PCDH7: variants seen among roughly 807,000 people sequenced by gnomAD.
PCDH7 encodes protocadherin 7.
Under a neutral mutation model 58.9 loss-of-function variants are expected in PCDH7, and 17 were observed. The observed-to-expected ratio is 0.29, with a 90% CI of 0.20 to 0.43. The LOEUF (loss-of-function observed/expected upper bound fraction) is 0.43. Ranked by LOEUF, PCDH7 falls within the 20% of genes least tolerant of loss-of-function variation. The probability of loss-of-function intolerance (pLI) is 1.00; values close to 1 mark genes in which losing one functional copy is unlikely to be tolerated. For synonymous variants in PCDH7, 664 were observed against 616.4 expected (o/e 1.08, Z -1.14); for missense variants, 1,274 against 1,441.0 (o/e 0.88, Z 1.88).
At chr4:30,929,201 T>G (rs564429619) in intron 2 of PCDH7, among the ~76,000 whole-genome samples, 1 of 152,238 alleles carries the variant, frequency 6.6e-6, no homozygotes, top group South Asian at 2.1e-4. Flanking sequence ...TAGAGTAGAG[T>G]AGATTGGATT....
chr4:30,873,456 A>AT (rs1735877021), intron 1 of PCDH7, among the ~76,000 whole-genome samples: 1 of 94,968 alleles, frequency 1.1e-5, no homozygotes, highest in Non-Finnish European at 2.3e-5. Flanking sequence ...TTATGTTAAA[A>AT]TTTAATACAA....
intron 1 of PCDH7, among the ~76,000 whole-genome samples, chr4:30,744,001 G>C (rs1011026026): frequency 6.6e-6 from 1 of 152,078 alleles, no homozygotes; most frequent in African/African-American, 2.4e-5. Flanking sequence ...GGGATTGTAG[G>C]CAATCTATCT....
At chr4:31,028,811 T>C (rs1333159034) in intron 3 of PCDH7, among the ~76,000 whole-genome samples, 2 of 152,088 alleles carry the variant, frequency 1.3e-5, no homozygotes, top group African/African-American at 4.8e-5. Context: ...AAAAAGAAGC[T>C]CATTCTAGAA....
At chr4:30,910,458 A>G (rs1273460911) in intron 1 of PCDH7, among the ~76,000 whole-genome samples, 4 of 152,230 alleles carry the variant, frequency 2.6e-5, no homozygotes, top group Admixed American at 1.3e-4. Flanking sequence ...CAAGAAACTT[A>G]ACAAATTTAC....
At chr4:31,014,497 G>T (rs1405765460) in intron 3 of PCDH7, among the ~76,000 whole-genome samples, 4 of 152,230 alleles carry the variant, frequency 2.6e-5, no homozygotes, top group Middle Eastern at 3.4e-3. Flanking sequence ...GGATGGGACA[G>T]GACTGGACTG....
At chr4:30,783,072 G>A (rs1722994979) in intron 1 of PCDH7, 1 of 152,038 alleles carries the variant, frequency 6.6e-6, no homozygotes, top group South Asian at 2.1e-4. Flanking sequence ...GTATAAATGA[G>A]AAGAAAGTGA....
In PCDH7 at chr4:30,728,294, TATAGAGAG is replaced by T. The variant is rs1323138855; in HGVS notation, c.3175-2457_3175-2450del. ...ATACATATGTATATATATATATATA[TATAGAGAG>T]AGAGAGAGAGAGAGAGAGAGCATAT... is the stretch of plus-strand genomic sequence containing the variant. On this transcript the variant is annotated intron_variant, in intron 1 of 1. Coordinates refer to ENST00000361762, the Ensembl canonical transcript of PCDH7. Among the ~76,000 whole-genome samples, 485 of 127,802 alleles carry T rather than the reference TATAGAGAG, an allele frequency of 3.8e-3. 4 individuals carry two copies. Among genetic ancestry groups the T allele is most frequent in the African/African-American group, 0.013 (422 of 32,884 alleles). The allele number at this position is 127,802 out of a possible 152,430, so 83.8% of individuals were successfully genotyped here.
At chr4:30,960,262 G>T (rs1338987788) in intron 3 of PCDH7, among the ~76,000 whole-genome samples, 1 of 151,996 alleles carries the variant, frequency 6.6e-6, no homozygotes, top group Non-Finnish European at 1.5e-5. Flanking sequence ...ATGGATAATG[G>T]GTGCAATAGA....
At chr4:31,133,823 A>G (rs1401426709) in intron 3 of PCDH7, among the ~76,000 whole-genome samples, 3 of 152,222 alleles carry the variant, frequency 2.0e-5, no homozygotes, top group African/African-American at 7.2e-5. Flanking sequence ...ATAATGCCAC[A>G]TTCAGAATGA....
At chr4:31,036,241 A>G (rs1404453630) in intron 3 of PCDH7, among the ~76,000 whole-genome samples, 2 of 152,136 alleles carry the variant, frequency 1.3e-5, no homozygotes, top group African/African-American at 2.4e-5. Context: ...GTTGGAGTGC[A>G]GTGGTGCAAT....
In PCDH7 at chr4:30,944,580, A is replaced by G. The variant is rs984764992; in HGVS notation, c.288-5540A>G. 3.9e-5 allele frequency among the ~76,000 whole-genome samples: 6 copies of G among 152,290 alleles called. No homozygotes were observed. The East Asian group carries it at 9.7e-4, about 25-fold the overall frequency. ...AATATTTGATTGACAAAACTGAATA[A>G]TCAAACTAATAAACCAATCCAGTGG... On this transcript the variant is annotated intron_variant, in intron 2 of 3. Coordinates refer to the PCDH7 transcript ENST00000509759.
chr4:30,790,178 G>C (rs938240338), intron 1 of PCDH7, among the ~76,000 whole-genome samples: 5 of 152,134 alleles, frequency 3.3e-5, no homozygotes, highest in African/African-American at 1.2e-4. Flanking sequence ...TAGTTGAACT[G>C]ATTCTAATAT....
chr4:31,036,745 T>C (rs756795875), intron 3 of PCDH7, among the ~76,000 whole-genome samples: 3 of 152,314 alleles, frequency 2.0e-5, no homozygotes, highest in Non-Finnish European at 4.4e-5. Flanking sequence ...TCCATACCTG[T>C]ATTAGTTCAT....
At chr4:30,913,347 T>A (rs1742021855) in intron 1 of PCDH7, among the ~76,000 whole-genome samples, 2 of 152,002 alleles carry the variant, frequency 1.3e-5, no homozygotes, top group Non-Finnish European at 2.9e-5. Flanking sequence ...AAATAAAAAA[T>A]AAAGAAGTTA....
intron 3 of PCDH7, among the ~76,000 whole-genome samples, chr4:31,027,241 C>T (rs978160014): frequency 3.3e-5 from 5 of 152,098 alleles, no homozygotes; most frequent in Admixed American, 1.3e-4. Context: ...CTTGGAACCT[C>T]ATCACAAATA....
chr4:30,889,552 C>T (rs567810496), intron 1 of PCDH7, among the ~76,000 whole-genome samples: 3 of 152,120 alleles, frequency 2.0e-5, no homozygotes, highest in Non-Finnish European at 4.4e-5. Flanking sequence ...CTGTCTTCAA[C>T]TGTTTGAGCT....
rs1217647766 is a variant in PCDH7 at position 30,792,105 on chromosome 4, T to G, written c.70+67509T>G. 2.6e-5 allele frequency among the ~76,000 whole-genome samples: 4 copies of G among 152,210 alleles called. No homozygotes were observed. The East Asian group carries it at 7.7e-4, about 29-fold the overall frequency. ...TCAGTGTATGAACAGAAACAAAAAT[T>G]CTTGCTTAATTGAACTGGACAACAT... On this transcript the variant is annotated intron_variant, in intron 1 of 3. Transcript: ENST00000509759.
intron 3 of PCDH7, among the ~76,000 whole-genome samples, chr4:31,063,511 AT>A (rs1287119296): frequency 6.6e-6 from 1 of 151,684 alleles, no homozygotes; most frequent in African/African-American, 2.4e-5. Flanking sequence ...TATTATTATC[AT>A]TCTAAAACAA....
At chr4:30,934,126 T>C (rs1350380355) in intron 2 of PCDH7, among the ~76,000 whole-genome samples, 2 of 152,232 alleles carry the variant, frequency 1.3e-5, no homozygotes, top group African/African-American at 4.8e-5. Context: ...TCCATCTCTT[T>C]CTCCCAGAAT....
Sources: allele counts gnomAD v4.1 joint callset (sites outside exome capture counted in the v4.1 genomes callset), GRCh38; gene constraint gnomAD v4.1.1; transcripts MANE v1.5; gene names NCBI Gene and HGNC (gene_info 2026-07-23, HGNC 2026-07-21).